MAP2K2: variants seen among roughly 807,000 people sequenced by gnomAD.
MAP2K2 encodes the protein mitogen-activated protein kinase kinase 2.
In MAP2K2, 24 loss-of-function variants were observed where a neutral mutation model predicts 43.7. The observed-to-expected ratio is 0.55, with a 90% CI of 0.40 to 0.77. MAP2K2 has a LOEUF of 0.77. Among genes scored for constraint, MAP2K2 ranks in the 30% least tolerant of loss-of-function variants. The pLI, the probability that MAP2K2 is intolerant of heterozygous loss-of-function variation, is 0.00. For missense variants in MAP2K2, 470 were observed against 566.8 expected (o/e 0.83, Z 1.73); for synonymous variants, 244 against 239.7 (o/e 1.02, Z -0.17).
At chr19:4,106,756 G>A (rs1225440289) in intron 3 of MAP2K2, among the ~76,000 whole-genome samples, 2 of 152,184 alleles carry the variant, frequency 1.3e-5, no homozygotes, top group Non-Finnish European at 2.9e-5. Context: ...GAATAGTGTT[G>A]TACTGTGGGG....
intron 1 of MAP2K2, among the ~76,000 whole-genome samples, chr19:4,122,538 C>T (rs759243710): frequency 5.8e-5 from 8 of 138,520 alleles, no homozygotes; most frequent in Non-Finnish European, 4.7e-5. Context: ...CTATCCTTCC[C>T]CCACAGGCCC....
In MAP2K2 at chr19:4,090,876, C is replaced by T. The variant is rs373593992; in HGVS notation, c.1093-168G>A. ...ACTCGGGGTAGGAGAGGGAAAGAAA[C>T]CCAGAAAGGGGCAGCGGCGTGTGCC... On this transcript the variant is annotated intron_variant, in intron 10 of 10. Transcript: ENST00000262948. Among the ~76,000 whole-genome samples the T allele has an allele frequency of 2.6e-5, 4 of 152,316 alleles. No homozygotes were observed. In the East Asian group the frequency reaches 5.8e-4, roughly 22 times the overall value.
At chr19:4,121,041 C>A (rs1458875861) in intron 1 of MAP2K2, among the ~76,000 whole-genome samples, 1 of 152,074 alleles carries the variant, frequency 6.6e-6, no homozygotes, top group East Asian at 1.9e-4. Flanking sequence ...CACCCGGACC[C>A]CAGCCAAGGG....
chr19:4,100,702 A>T, intron 6 of MAP2K2: 1 of 455,996 alleles, frequency 2.2e-6, no homozygotes, highest in East Asian at 3.9e-5. Context: ...GGGGAATCCG[A>T]AAAGCAGGCT....
chr19:4,094,194 C>G (rs1190695519), intron 10 of MAP2K2, among the ~76,000 whole-genome samples: 3 of 152,162 alleles, frequency 2.0e-5, no homozygotes, highest in Non-Finnish European at 4.4e-5. Flanking sequence ...CAGCACCAGG[C>G]AGGAGCGGCG....
At chr19:4,112,170 A>G (rs2041162871) in intron 2 of MAP2K2, among the ~76,000 whole-genome samples, 1 of 152,236 alleles carries the variant, frequency 6.6e-6, no homozygotes, top group South Asian at 2.1e-4. Context: ...CATCCGCCAC[A>G]GAGGCAAAGC....
chr19:4,102,540 G>A, intron 3 of MAP2K2, 87 bp from the exon 4 acceptor site: 3 of 1,095,094 alleles, frequency 2.7e-6, no homozygotes, highest in South Asian at 1.3e-5. Context: ...GCGAGGGGGT[G>A]GTCTGCCTCC....
intron 6 of MAP2K2, 92 bp from the exon 7 acceptor site, chr19:4,099,506 C>T (rs576970505): frequency 2.0e-6 from 2 of 1,008,810 alleles, no homozygotes; most frequent in South Asian, 2.8e-5. Context: ...CCGTCACCCT[C>T]TCCATGGCTA....
At chr19:4,102,037 CAG>C (rs1247531222) in intron 4 of MAP2K2, among the ~76,000 whole-genome samples, 2 of 152,144 alleles carry the variant, frequency 1.3e-5, no homozygotes, top group African/African-American at 4.8e-5. Context: ...CATCCCACCC[CAG>C]AGTCTCCCTT....
Position 4,090,443 on chromosome 19 carries a change from C to T in MAP2K2, c.*155G>A, listed in dbSNP as rs1200226724. The T allele has an allele frequency of 8.6e-6, 6 of 695,388 alleles. No individual in the cohort carries two copies. The highest frequency in any genetic ancestry group is 2.7e-5 in the East Asian group (1 of 36,942). The allele number at this position is 695,388 out of a possible 1,614,324, so 43.1% of individuals were successfully genotyped here. A position where few individuals can be genotyped will look rare whatever the true frequency, so the allele number is the denominator to read the frequency against. ...CAGGACGGGCAGGAGAGGAGACCCC[C>T]GTTCCTGCATGCGCTGTCGCCCCGC... On this transcript the variant is annotated 3_prime_UTR_variant, in exon 11 of 11. Coordinates refer to ENST00000262948, the MANE Select transcript of MAP2K2 (RefSeq NM_030662.4).
At chr19:4,099,588 C>T (rs542088632) in intron 6 of MAP2K2, 174 bp from the exon 7 acceptor site, 183 of 621,640 alleles carry the variant, frequency 2.9e-4, no homozygotes, top group South Asian at 4.5e-4. Context: ...GGCCTCCCTG[C>T]GGCACTTGCT....
At chr19:4,107,402 T>C (rs1461332410) in intron 3 of MAP2K2, among the ~76,000 whole-genome samples, 1 of 151,502 alleles carries the variant, frequency 6.6e-6, no homozygotes, top group Non-Finnish European at 1.5e-5. Context: ...CGGGCGCCTG[T>C]AGTCCCAGCT....
chr19:4,095,448 G>T lies in MAP2K2; in HGVS notation c.986C>A (p.Pro329Gln). ...FELLDYIVNEPPPKLPNGVFT... is the reference protein window; with the variant it reads ...FELLDYIVNEQPPKLPNGVFT... ...CACACCGTTGGGCAGCTTAGGAGGT[G>T]GCTGTGGAGGAGAACAGAGGGTGGG... Residue 329 changes from proline to glutamine, a missense_variant and splice_region_variant, in exon 9 of 11, where the codon CCA becomes CAA. By Grantham distance (76) the Pro-to-Gln change is moderately conservative. Transcript: ENST00000262948. 6.4e-7 allele frequency: 1 copy of T among 1,551,348 alleles called. No homozygotes were observed. Among genetic ancestry groups the T allele is most frequent in the South Asian group, 1.2e-5 (1 of 84,056 alleles).
At chr19:4,093,874 G>C (rs919181426) in intron 10 of MAP2K2, among the ~76,000 whole-genome samples, 11 of 152,130 alleles carry the variant, frequency 7.2e-5, no homozygotes, top group African/African-American at 2.4e-4. Flanking sequence ...GGTGGCTGTG[G>C]TATGGGAAAG....
At chr19:4,118,142 T>C (rs1395110302) in intron 1 of MAP2K2, among the ~76,000 whole-genome samples, 1 of 152,148 alleles carries the variant, frequency 6.6e-6, no homozygotes, top group Non-Finnish European at 1.5e-5. Flanking sequence ...TTCGCCATGT[T>C]GGTCAGGCTG....
intron 2 of MAP2K2, among the ~76,000 whole-genome samples, chr19:4,112,397 G>C (rs1030816455): frequency 1.3e-5 from 2 of 152,248 alleles, no homozygotes; most frequent in African/African-American, 4.8e-5. Context: ...ATGAGGAGGA[G>C]ATGGGGGAGG....
At chr19:4,091,735 G>C (rs1348593085) in intron 10 of MAP2K2, among the ~76,000 whole-genome samples, 2 of 151,974 alleles carry the variant, frequency 1.3e-5, no homozygotes, top group African/African-American at 2.4e-5. Context: ...TGTAACCTCT[G>C]CCTCCCAGGT....
At chr19:4,090,892 G>A (rs376516710) in intron 10 of MAP2K2, among the ~76,000 whole-genome samples, 184 bp from the exon 11 acceptor site, 3 of 152,218 alleles carry the variant, frequency 2.0e-5, no homozygotes, top group South Asian at 2.1e-4. Context: ...AAGGGGCAGC[G>A]GCGTGTGCCA....
At chr19:4,123,707 GTCCCCTCGCCCCGTCCT>G in intron 1 of MAP2K2, 60 bp downstream of exon 1, 1 of 672,240 alleles carries the variant, frequency 1.5e-6, no homozygotes, top group South Asian at 2.1e-5. Flanking sequence ...GCGAACCCCC[GTCCCCTCGCCCCGTCCT>G]TCCCCGAGGG....
Sources: gnomAD v4.1 joint callset for allele counts (sites outside exome capture counted in the v4.1 genomes callset) on GRCh38, gnomAD v4.1.1 for gene constraint, MANE v1.5 for transcripts, NCBI Gene and HGNC (gene_info 2026-07-23, HGNC 2026-07-21) for gene names.